Variants in TOP1MT observed in about 807,000 individuals in gnomAD.
The protein encoded by TOP1MT is DNA topoisomerase I mitochondrial, also known as DNA topoisomerase I, mitochondrial.
In TOP1MT, 80 loss-of-function variants were observed where a neutral mutation model predicts 73.9. That is an observed-to-expected ratio of 1.08 (90% CI 0.90 to 1.30). TOP1MT has a LOEUF of 1.30. Ranked by LOEUF, TOP1MT falls within the 50% of genes most tolerant of loss-of-function variation. The pLI, the probability that TOP1MT is intolerant of heterozygous loss-of-function variation, is 0.00. For missense variants in TOP1MT, 815 were observed against 808.0 expected, an observed-to-expected ratio of 1.01 and a Z score of -0.10; for synonymous variants, 338 against 326.4, an observed-to-expected ratio of 1.04 and a Z score of -0.38.
intron 1 of TOP1MT, among the ~76,000 whole-genome samples, chr8:143,333,175 G>A (rs189629639): frequency 2.0e-5 from 3 of 152,234 alleles, no homozygotes; most frequent in African/African-American, 7.2e-5. Flanking sequence ...AGCCAGGCGC[G>A]GTGACTCACG....
chr8:143,338,163 T>G (rs1348216899), upstream of TOP1MT, among the ~76,000 whole-genome samples: 1 of 152,174 alleles, frequency 6.6e-6, no homozygotes, highest in Non-Finnish European at 1.5e-5. Flanking sequence ...TCCTAGCTAC[T>G]CAGGGGGCTG....
At chr8:143,319,047 G>A (rs554936058) in intron 8 of TOP1MT, among the ~76,000 whole-genome samples, 2 of 152,248 alleles carry the variant, frequency 1.3e-5, no homozygotes, top group East Asian at 1.9e-4. Flanking sequence ...CACCACAGCC[G>A]ATGCTTCACC....
chr8:143,326,667 T>C (rs1816716471), intron 3 of TOP1MT, among the ~76,000 whole-genome samples: 1 of 152,050 alleles, frequency 6.6e-6, no homozygotes, highest in Non-Finnish European at 1.5e-5. Context: ...TTGAGATCCA[T>C]CCTAAATAAA....
upstream of TOP1MT, among the ~76,000 whole-genome samples, chr8:143,336,212 G>A (rs574906164): frequency 3.3e-5 from 5 of 152,146 alleles, no homozygotes; most frequent in Middle Eastern, 3.4e-3. Flanking sequence ...ATGTTGCCCC[G>A]GCTGGTCTCG....
At chr8:143,327,615 C>A (rs144565719) in intron 3 of TOP1MT, 433 of 210,480 alleles carry the variant, frequency 2.1e-3, no homozygotes, top group Middle Eastern at 6.1e-3. Context: ...GATGTGCCAC[C>A]CACTCCTGTT....
chr8:143,331,406 C>G (rs1816852480), intron 1 of TOP1MT, 67 bp from the exon 2 acceptor site: 1 of 1,362,780 alleles, frequency 7.3e-7, no homozygotes, highest in African/African-American at 1.4e-5. Context: ...TCCCCGCTCC[C>G]ACAGTGGCTC....
intron 1 of TOP1MT, among the ~76,000 whole-genome samples, chr8:143,352,151 C>A (rs1046347473): frequency 6.6e-6 from 1 of 152,226 alleles, no homozygotes; most frequent in Non-Finnish European, 1.5e-5. Context: ...CATCAAAATT[C>A]CAGCTAGTGT....
At chr8:143,321,479 ACACGCACGCCACACACG>A (rs1816354233) in intron 7 of TOP1MT, 93 bp from the exon 8 acceptor site, 8 of 1,041,546 alleles carry the variant, frequency 7.7e-6, no homozygotes, top group East Asian at 5.4e-5. Flanking sequence ...CACGCACGCC[ACACGCACGCCACACACG>A]CACGCCACAC....
chr8:143,323,099 ACACGCACGC>A, intron 7 of TOP1MT, among the ~76,000 whole-genome samples: 1 of 133,924 alleles, frequency 7.5e-6, no homozygotes, highest in African/African-American at 3.0e-5. Context: ...GGCATGCCAA[ACACGCACGC>A]CACACATGCA....
chr8:143,323,227 CACACAGGCACGCCA>C (rs1816576002), intron 7 of TOP1MT, among the ~76,000 whole-genome samples: 2 of 130,872 alleles, frequency 1.5e-5, no homozygotes, highest in African/African-American at 5.9e-5. Context: ...AGGCACGCCA[CACACAGGCACGCCA>C]CACACACAGG....
chr8:143,320,572 G>C (rs531295408), intron 8 of TOP1MT, among the ~76,000 whole-genome samples: 1 of 152,236 alleles, frequency 6.6e-6, no homozygotes, highest in Non-Finnish European at 1.5e-5. Flanking sequence ...TGGCCAGAAC[G>C]TGACCTTATT....
Position 143,316,069 on chromosome 8 carries a change from GC to G in TOP1MT, c.1387del (p.Ala463ProfsTer39). ...TGCTCGCTGATGGTTGCAGAGAATGGCCACGACTCGGTTGGCTCGGTTGTAG... is the reference window on the plus strand; with the variant it reads ...TGCTCGCTGATGGTTGCAGAGAATGGCACGACTCGGTTGGCTCGGTTGTAG... Reference protein sequence around the residue: ...LSYNRANRVVAILCNHQRATP... With the variant: ...LSYNRANRVVXILCNHQRATP... On this transcript the variant is annotated frameshift_variant, in exon 11 of 14. Transcript: ENST00000329245. LOFTEE classifies it high-confidence loss of function. The G allele has an allele frequency of 6.2e-7, 1 of 1,614,154 alleles. No individual in the cohort carries two copies. The highest frequency in any genetic ancestry group is 8.5e-7 in the Non-Finnish European group (1 of 1,179,988).
chr8:143,325,774 C>G (rs1393554888), intron 4 of TOP1MT, among the ~76,000 whole-genome samples: 1 of 152,140 alleles, frequency 6.6e-6, no homozygotes, highest in Non-Finnish European at 1.5e-5. Context: ...GCACAGACTT[C>G]GGCTGTTTTA....
At chr8:143,355,064 G>T (rs1345521470) in intron 1 of TOP1MT, among the ~76,000 whole-genome samples, 1 of 152,192 alleles carries the variant, frequency 6.6e-6, no homozygotes, top group African/African-American at 2.4e-5. Context: ...CCCGTGCACC[G>T]CCTGCCTACT....
intron 4 of TOP1MT, 143 bp from the exon 5 acceptor site, chr8:143,325,676 G>T: frequency 1.3e-6 from 1 of 766,436 alleles, no homozygotes; most frequent in Non-Finnish European, 2.1e-6. Context: ...CATGGAGGTT[G>T]CAGGGGCAGG....
At position 143,324,263 on chromosome 8, in the gene TOP1MT, G is replaced by A. The variant is rs574242036; in HGVS notation, c.817-121C>T. 6.3e-6 allele frequency: 9 copies of A among 1,435,552 alleles called. No individual in the cohort carries two copies. In the East Asian group the frequency reaches 1.8e-4, roughly 29 times the overall value. 88.9% of individuals were successfully genotyped at this position (1,435,552 alleles called of 1,614,324 possible). Reference sequence around the variant, plus strand: ...CCACTCAGTGGTGCCGTGGTCAGGGGCTGGGGCAGCAAATCTAGCTGGGTG... The same window carrying A: ...CCACTCAGTGGTGCCGTGGTCAGGGACTGGGGCAGCAAATCTAGCTGGGTG... On this transcript the variant is annotated intron_variant, in intron 6 of 13. Transcript: ENST00000329245.
chr8:143,326,786 G>A (rs529911053), intron 3 of TOP1MT, among the ~76,000 whole-genome samples: 68 of 152,332 alleles, frequency 4.5e-4, no homozygotes, highest in Non-Finnish European at 8.8e-4. Context: ...TGAACGTGAC[G>A]GGATTCGCGA....
At chr8:143,350,533 T>C (rs1817303334) in intron 1 of TOP1MT, among the ~76,000 whole-genome samples, 1 of 152,182 alleles carries the variant, frequency 6.6e-6, no homozygotes, top group Non-Finnish European at 1.5e-5. Context: ...GGTTTCGCCA[T>C]GTTGGCCAGG....
At chr8:143,324,232 G>A (rs1433447002) in intron 6 of TOP1MT, 90 bp from the exon 7 acceptor site, 1 of 1,544,078 alleles carries the variant, frequency 6.5e-7, no homozygotes, top group Non-Finnish European at 8.8e-7. Flanking sequence ...CAAACCTCGT[G>A]CTTCTCCACT....
Sources: gnomAD v4.1 joint callset for allele counts (sites outside exome capture counted in the v4.1 genomes callset) on GRCh38, gnomAD v4.1.1 for gene constraint, MANE v1.5 for transcripts, NCBI Gene and HGNC (gene_info 2026-07-23, HGNC 2026-07-21) for gene names.